NUP98: variants seen among roughly 807,000 people sequenced by gnomAD.
NUP98 encodes the protein nucleoporin 98 and 96 precursor.
In NUP98, 26 loss-of-function variants were observed where a neutral mutation model predicts 191.9. That is an observed-to-expected ratio of 0.14 (90% CI 0.10 to 0.19). The LOEUF (loss-of-function observed/expected upper bound fraction) is 0.19. Among genes scored for constraint, NUP98 ranks in the 10% least tolerant of loss-of-function variants. NUP98 has a pLI of 1.00. For synonymous variants in NUP98, 808 were observed against 778.4 expected, an observed-to-expected ratio of 1.04 and a Z score of -0.63; for missense variants, 1,941 against 2,178.8, an observed-to-expected ratio of 0.89 and a Z score of 2.17.
At chr11:3,694,355 A>T (rs2078429254) in intron 26 of NUP98, among the ~76,000 whole-genome samples, 1 of 151,842 alleles carries the variant, frequency 6.6e-6, no homozygotes. Flanking sequence ...GGACAATAAG[A>T]GCGAAACTCT....
intron 29 of NUP98, among the ~76,000 whole-genome samples, chr11:3,684,071 G>A (rs1333647592): frequency 6.6e-6 from 1 of 151,752 alleles, no homozygotes; most frequent in Non-Finnish European, 1.5e-5. Context: ...AATTAGCTGG[G>A]TGTGGTGGCA....
chr11:3,685,993 G>T lies in NUP98; in HGVS notation c.4656C>A (p.Leu1552=). The change falls in exon 29 of 33, where the codon CTC becomes CTA. Residue 1552 remains leucine, a synonymous_variant. Transcript: ENST00000324932. ...EGLWEWAIFV[L]LHIDNSGIRE... is the part of the protein sequence containing the mutation. Reference sequence around the variant, plus strand: ...CTCACCCTGAGTTGTCAATGTGCAGGAGGACAAAGATGGCCCACTCCCAGA... The same window carrying T: ...CTCACCCTGAGTTGTCAATGTGCAGTAGGACAAAGATGGCCCACTCCCAGA... 6.2e-7 allele frequency: 1 copy of T among 1,614,022 alleles called. No homozygotes were observed. Among genetic ancestry groups the T allele is most frequent in the East Asian group, 2.2e-5 (1 of 44,872 alleles).
chr11:3,747,354 C>T (rs1015142595), intron 11 of NUP98, among the ~76,000 whole-genome samples: 6 of 152,162 alleles, frequency 3.9e-5, no homozygotes, highest in Admixed American at 1.3e-4. Flanking sequence ...TTCTATGTCT[C>T]TCTTAGTATT....
At chr11:3,769,901 A>G (rs557440077) in intron 7 of NUP98, among the ~76,000 whole-genome samples, 1 of 151,986 alleles carries the variant, frequency 6.6e-6, no homozygotes, top group Non-Finnish European at 1.5e-5. Context: ...AAAATCAGCC[A>G]GGCATGGTGG....
rs149232599 is a variant in NUP98, at chr11:3,749,540, A to G, written c.1267+3776T>C. ...CATGGGAGGCTGAGGCAGGAGAATC[A>G]CTTGAACCCAGGAGGCGGAGGTTGC... On this transcript the variant is annotated intron_variant, in intron 11 of 32. Transcript: ENST00000324932. Among the ~76,000 whole-genome samples, 162 of 152,252 alleles carry G rather than the reference A, an allele frequency of 1.1e-3. 2 individuals are homozygous for G. Among genetic ancestry groups the G allele is most frequent in the African/African-American group, 3.8e-3 (158 of 41,552 alleles).
At chr11:3,734,328 G>C (rs115899495) in intron 13 of NUP98, among the ~76,000 whole-genome samples, 1 of 151,838 alleles carries the variant, frequency 6.6e-6, no homozygotes, top group Admixed American at 6.6e-5. Flanking sequence ...CCACTGCGCC[G>C]GGCAGATCCC....
At chr11:3,712,362 A>G in intron 20 of NUP98, 9 of 1,381,738 alleles carry the variant, frequency 6.5e-6, no homozygotes, top group Non-Finnish European at 8.4e-6. Context: ...AAACAGCAAG[A>G]GAATTCTTTA....
intron 13 of NUP98, among the ~76,000 whole-genome samples, chr11:3,733,831 C>A (rs1434130196): frequency 6.6e-6 from 1 of 152,174 alleles, no homozygotes; most frequent in Non-Finnish European, 1.5e-5. Flanking sequence ...TGGATAGCAA[C>A]CTTAATAAAT....
chr11:3,720,751 CT>C lies in NUP98; in HGVS notation c.2220del (p.Gly741GlufsTer24). 1 of 1,582,038 alleles carries C rather than the reference CT, an allele frequency of 6.3e-7. No individual in the cohort carries two copies. Among genetic ancestry groups the C allele is most frequent in the South Asian group, 1.1e-5 (1 of 90,396 alleles). On this transcript the variant is annotated frameshift_variant, in exon 17 of 33. Coordinates refer to ENST00000324932, the MANE Select transcript of NUP98 (RefSeq NM_016320.5). LOFTEE classifies it high-confidence loss of function. ...MDDLAKITNEKGECIVSDFTI... is the reference protein window; with the variant it reads ...MDDLAKITNEXGECIVSDFTI... ...GTGAAATCAGAGACAATGCACTCTC[CT>C]TTTTCATTGGTAATTTTAGCAAGGT...
chr11:3,712,957 C>T lies in NUP98; in HGVS notation c.2578-229G>A, dbSNP rs189898061. ...AAATTAATAAAGATTACATAATATA[C>T]ATTAAAATGTCATTTAAACTGTAAT... On this transcript the variant is annotated intron_variant, in intron 19 of 32. Coordinates refer to ENST00000324932, the MANE Select transcript of NUP98 (RefSeq NM_016320.5). 8.1e-4 allele frequency among the ~76,000 whole-genome samples: 124 copies of T among 152,290 alleles called. 2 individuals carry two copies. Among genetic ancestry groups the T allele is most frequent in the Middle Eastern group, 3.4e-3 (1 of 294 alleles).
chr11:3,690,449 A>T (rs770200229), intron 28 of NUP98, among the ~76,000 whole-genome samples: 7 of 151,432 alleles, frequency 4.6e-5, no homozygotes, highest in Non-Finnish European at 1.0e-4. Context: ...TTTAGTAGAG[A>T]CAGGGTTTCA....
At position 3,763,052 on chromosome 11, in the gene NUP98, T is replaced by TTA. The variant is rs781351455; in HGVS notation, c.949-15_949-14dup. 10 of 1,611,558 alleles carry TTA rather than the reference T, an allele frequency of 6.2e-6. No individual in the cohort carries two copies. The highest frequency in any genetic ancestry group is 8.5e-6 in the Non-Finnish European group (10 of 1,179,050). On this transcript the variant is annotated splice_polypyrimidine_tract_variant and intron_variant, in intron 8 of 32. Coordinates refer to ENST00000324932, the MANE Select transcript of NUP98 (RefSeq NM_016320.5). ...CTCCAAATAATCCCTGCAAAGAAGT[T>TTA]TATATAGATTAAAAGATATCCTGTA...
intron 5 of NUP98, among the ~76,000 whole-genome samples, chr11:3,774,358 G>A (rs2081634385): frequency 6.6e-6 from 1 of 152,304 alleles, no homozygotes; most frequent in Admixed American, 6.5e-5. Context: ...GTTGCAGTGA[G>A]CCAAGACCGT....
intron 26 of NUP98, among the ~76,000 whole-genome samples, chr11:3,694,216 C>A (rs1564812101): frequency 6.6e-6 from 1 of 151,638 alleles, no homozygotes; most frequent in Non-Finnish European, 1.5e-5. Flanking sequence ...ACTAAAAATA[C>A]AAAAATTAGC....
intron 1 of NUP98, among the ~76,000 whole-genome samples, chr11:3,789,247 G>A (rs1490805234): frequency 6.6e-6 from 1 of 152,038 alleles, no homozygotes; most frequent in African/African-American, 2.4e-5. Flanking sequence ...CATAATAAAT[G>A]TCCCCTCACT....
intron 1 of NUP98, among the ~76,000 whole-genome samples, chr11:3,790,337 G>C (rs2082293853): frequency 6.6e-6 from 1 of 152,174 alleles, no homozygotes; most frequent in Non-Finnish European, 1.5e-5. Context: ...GAAGTGAAGA[G>C]GGAGTAGGTA....
At chr11:3,740,019 C>A (rs1000702203) in intron 12 of NUP98, among the ~76,000 whole-genome samples, 1 of 152,136 alleles carries the variant, frequency 6.6e-6, no homozygotes, top group Non-Finnish European at 1.5e-5. Context: ...TTTATGTTGT[C>A]AGTAAAGCTT....
intron 1 of NUP98, among the ~76,000 whole-genome samples, chr11:3,795,705 T>C (rs1382750225): frequency 6.6e-6 from 1 of 152,098 alleles, no homozygotes; most frequent in Non-Finnish European, 1.5e-5. Context: ...AAATGATATG[T>C]GCTATAAATA....
chr11:3,772,032 G>GAACTT, intron 6 of NUP98, 104 bp from the exon 7 acceptor site: 5 of 940,418 alleles, frequency 5.3e-6, no homozygotes, highest in Non-Finnish European at 6.3e-6. Context: ...TGTTCACATA[G>GAACTT]GAACCATAAC....
Sources: gnomAD v4.1 joint callset for allele counts (sites outside exome capture counted in the v4.1 genomes callset) on GRCh38, gnomAD v4.1.1 for gene constraint, MANE v1.5 for transcripts, NCBI Gene and HGNC (gene_info 2026-07-23, HGNC 2026-07-21) for gene names.